The following CHCHD3 variants were observed in gnomAD, a reference collection of about 807,000 sequenced individuals.
The protein encoded by CHCHD3 is MICOS complex subunit MIC19.
CHCHD3 carries 20 observed loss-of-function variants against 38.2 expected under a neutral mutation model. That is an observed-to-expected ratio of 0.52 (90% CI 0.37 to 0.76). The LOEUF (loss-of-function observed/expected upper bound fraction) is 0.76, where lower values mean the gene tolerates loss of function less well. Ranked by LOEUF, CHCHD3 falls within the 30% of genes least tolerant of loss-of-function variation. The pLI is 0.00. For missense variants in CHCHD3, 245 were observed against 279.2 expected (o/e 0.88, Z 0.87); for synonymous variants, 82 against 100.0 (o/e 0.82, Z 1.07).
intron 4 of CHCHD3, among the ~76,000 whole-genome samples, chr7:132,968,795 T>C (rs569300296): frequency 2.0e-4 from 30 of 152,248 alleles, no homozygotes; most frequent in Non-Finnish European, 3.2e-4. Flanking sequence ...GTATAAACCA[T>C]GTCGATCATT....
At chr7:132,935,136 T>C (rs1361049633) in intron 4 of CHCHD3, among the ~76,000 whole-genome samples, 1 of 152,150 alleles carries the variant, frequency 6.6e-6, no homozygotes. Flanking sequence ...TGCCTCAGAA[T>C]CCAATCACTC....
chr7:133,015,617 T>C (rs1179552226), intron 3 of CHCHD3, among the ~76,000 whole-genome samples: 1 of 152,084 alleles, frequency 6.6e-6, no homozygotes, highest in Non-Finnish European at 1.5e-5. Context: ...TTCCCACAAT[T>C]GTAAATGAAA....
Position 133,035,183 on chromosome 7 carries a change from A to C in CHCHD3, c.170-10556T>G, listed in dbSNP as rs1474301469. Reference sequence around the variant, plus strand: ...CCGCCTTTTTCTCCTCCTTCCGCTCAGCCTGGGGCTTCTGCTTCTCTTCCC... The same window carrying C: ...CCGCCTTTTTCTCCTCCTTCCGCTCCGCCTGGGGCTTCTGCTTCTCTTCCC... On this transcript the variant is annotated intron_variant, in intron 2 of 7. Transcript: ENST00000262570. This position sits in a 1 kb window ranked among gnomAD's most constrained non-coding sequence, Gnocchi z 4.7. The C allele has an allele frequency of 3.1e-6, 5 of 1,613,598 alleles. No homozygotes were observed. The African/African-American group carries it at 6.7e-5, about 22-fold the overall frequency.
At position 132,793,712 on chromosome 7, in the gene CHCHD3, T is replaced by C. The variant is rs371313161; in HGVS notation, c.660+2730A>G. Among the ~76,000 whole-genome samples the C allele has an allele frequency of 9.8e-5, 15 of 152,344 alleles. No homozygotes were observed. In the East Asian group the frequency reaches 2.9e-3, roughly 29 times the overall value. ...TTTAAAAGTGGAGTGGACTTAGCCA[T>C]TGGAATTATTCCATGGGGGAAACCC... On this transcript the variant is annotated intron_variant, in intron 7 of 7. Transcript: ENST00000262570.
At chr7:132,992,111 T>C (rs1812298486) in intron 3 of CHCHD3, among the ~76,000 whole-genome samples, 1 of 152,154 alleles carries the variant, frequency 6.6e-6, no homozygotes, top group Non-Finnish European at 1.5e-5. Context: ...AGAGGGAAAC[T>C]GCAAGGCTGG....
chr7:133,063,118 G>C (rs560061101), intron 2 of CHCHD3, among the ~76,000 whole-genome samples: 10 of 152,260 alleles, frequency 6.6e-5, no homozygotes, highest in Admixed American at 2.0e-4. Flanking sequence ...TGACAAGAAA[G>C]GAAGTTTTCT....
intron 3 of CHCHD3, among the ~76,000 whole-genome samples, chr7:132,995,943 T>C (rs1395828737): frequency 1.3e-5 from 2 of 152,136 alleles, no homozygotes; most frequent in African/African-American, 4.8e-5. Flanking sequence ...TTTCATTTAC[T>C]CCACACAAAA....
chr7:133,045,177 T>C (rs1222713869), intron 2 of CHCHD3, among the ~76,000 whole-genome samples: 1 of 152,164 alleles, frequency 6.6e-6, no homozygotes, highest in Admixed American at 6.5e-5. Flanking sequence ...ATGCCTCCCA[T>C]TTAATTAACA....
intron 3 of CHCHD3, among the ~76,000 whole-genome samples, chr7:132,984,524 A>C: frequency 1.5e-5 from 2 of 134,178 alleles, no homozygotes; most frequent in African/African-American, 2.8e-5. Flanking sequence ...CTGGCCGCCC[A>C]TCGTCTGGGA....
chr7:133,081,961 A>C lies in CHCHD3; in HGVS notation c.-24T>G, dbSNP rs376152546. 276 of 1,528,120 alleles carry C rather than the reference A, an allele frequency of 1.8e-4. No individual in the cohort carries two copies. Among genetic ancestry groups the C allele is most frequent in the Non-Finnish European group, 2.4e-4 (270 of 1,135,206 alleles). The allele number at this position is 1,528,120 out of a possible 1,614,324, so 94.7% of individuals were successfully genotyped here. A position where few individuals can be genotyped will look rare whatever the true frequency, so the allele number is the denominator to read the frequency against. Reference sequence around the variant, plus strand: ...ATGATTCCGGTTCCTGCCCCAGCGGAGACCTAGCGGGGAACCACGAGCACT... The same window carrying C: ...ATGATTCCGGTTCCTGCCCCAGCGGCGACCTAGCGGGGAACCACGAGCACT... On this transcript the variant is annotated 5_prime_UTR_variant, in exon 1 of 8. Transcript: ENST00000262570.
intron 3 of CHCHD3, among the ~76,000 whole-genome samples, chr7:133,004,148 G>T (rs1276857668): frequency 2.6e-5 from 4 of 152,088 alleles, no homozygotes; most frequent in Non-Finnish European, 4.4e-5. Flanking sequence ...TTTCAGTAGA[G>T]ACGGGGTTTC....
intron 5 of CHCHD3, among the ~76,000 whole-genome samples, chr7:132,870,030 G>A (rs1413601543): frequency 6.6e-6 from 1 of 151,856 alleles, no homozygotes; most frequent in Non-Finnish European, 1.5e-5. Flanking sequence ...CATTCCTTCT[G>A]GCAAAATTCA....
At chr7:132,979,412 G>A (rs1326144368) in intron 3 of CHCHD3, among the ~76,000 whole-genome samples, 1 of 152,170 alleles carries the variant, frequency 6.6e-6, no homozygotes, top group African/African-American at 2.4e-5. Context: ...TGAGAATGAA[G>A]TAGTGAGCAA....
In CHCHD3 at chr7:132,896,735, T is replaced by TA. The variant is rs1189470146; in HGVS notation, c.370-10991dup. 2.0e-5 allele frequency among the ~76,000 whole-genome samples: 3 copies of TA among 152,174 alleles called. No individual in the cohort carries two copies. In the East Asian group the frequency reaches 5.8e-4, roughly 29 times the overall value. ...AGTGAATATAAACAGCTAACAAGCC[T>TA]AAAAGACCATGGTGAATCAAATTCA... On this transcript the variant is annotated intron_variant, in intron 4 of 7. Transcript: ENST00000262570.
chr7:132,888,969 T>C (rs1562897520), intron 4 of CHCHD3, among the ~76,000 whole-genome samples: 2 of 152,026 alleles, frequency 1.3e-5, no homozygotes, highest in African/African-American at 2.4e-5. Context: ...AGTTATGATA[T>C]ATGTAGTGGG....
intron 6 of CHCHD3, among the ~76,000 whole-genome samples, chr7:132,828,551 C>G (rs954875974): frequency 1.3e-5 from 2 of 152,126 alleles, no homozygotes; most frequent in African/African-American, 4.8e-5. Context: ...AATAAGAATA[C>G]TTGACAAGAC....
chr7:132,918,930 C>G lies in CHCHD3; in HGVS notation c.370-33185G>C, dbSNP rs188532477. Among the ~76,000 whole-genome samples, 3 of 152,076 alleles carry G rather than the reference C, an allele frequency of 2.0e-5. No homozygotes were observed. In the Middle Eastern group the frequency reaches 0.01, roughly 517 times the overall value. On this transcript the variant is annotated intron_variant, in intron 4 of 7. Transcript: ENST00000262570. ...ACGCACAGGAGTGTCAGAAAGTCTA[C>G]CAGTGATGAGCATCAATGTGCCATG...
At chr7:132,808,467 C>T (rs1281263396) in intron 6 of CHCHD3, among the ~76,000 whole-genome samples, 3 of 152,172 alleles carry the variant, frequency 2.0e-5, no homozygotes, top group Non-Finnish European at 4.4e-5. Flanking sequence ...AGTCTCTTCA[C>T]CAGTCAGTAG....
intron 3 of CHCHD3, among the ~76,000 whole-genome samples, chr7:133,001,958 AAG>A (rs947978109): frequency 2.6e-5 from 4 of 152,320 alleles, no homozygotes; most frequent in African/African-American, 9.6e-5. Flanking sequence ...ACCCTGAGGT[AAG>A]AGTTATTATT....
Sources: allele counts gnomAD v4.1 joint callset (sites outside exome capture counted in the v4.1 genomes callset), GRCh38; gene constraint gnomAD v4.1.1; non-coding constraint Gnocchi (gnomAD v3.1); transcripts MANE v1.5; gene names NCBI Gene and HGNC (gene_info 2026-07-23, HGNC 2026-07-21).